The following FLRT1 variants were observed in gnomAD, a reference collection of about 807,000 sequenced individuals.
FLRT1 encodes the protein fibronectin leucine rich transmembrane protein 1.
In FLRT1, 14 loss-of-function variants were observed where a neutral mutation model predicts 30.9. The observed-to-expected ratio is 0.45, with a 90% CI of 0.30 to 0.71. The LOEUF (loss-of-function observed/expected upper bound fraction) is 0.71. Ranked by LOEUF, FLRT1 falls within the 30% of genes least tolerant of loss-of-function variation. FLRT1 has a pLI of 0.08. For missense variants in FLRT1, 737 were observed against 949.2 expected (o/e 0.78, Z 2.94); for synonymous variants, 368 against 430.4 (o/e 0.85, Z 1.80).
At position 64,036,451 on chromosome 11, in the gene FLRT1, G is replaced by T. The variant is rs1490700767; in HGVS notation, c.-1038+292G>T. Among the ~76,000 whole-genome samples the T allele has an allele frequency of 6.6e-6, 1 of 152,160 alleles. No homozygotes were observed. On this transcript the variant is annotated intron_variant, in intron 1 of 2. Coordinates refer to ENST00000682287, the MANE Select transcript of FLRT1 (RefSeq NM_013280.5). The surrounding 1 kb of genome is among the most constrained non-coding windows in gnomAD (Gnocchi z 5.6). ...CCGAGCCGAGGCTGGAAAGGGCGGG[G>T]GCTCAGCTGGAGCTCTAGTCCAAGC...
intron 1 of FLRT1, among the ~76,000 whole-genome samples, chr11:64,079,035 G>A (rs1186760246): frequency 6.6e-6 from 1 of 152,054 alleles, no homozygotes; most frequent in African/African-American, 2.4e-5. Flanking sequence ...GGTTCCCAGG[G>A]GCTTGCTGAG....
intron 1 of FLRT1, among the ~76,000 whole-genome samples, chr11:64,037,574 C>T (rs1036074526): frequency 6.6e-6 from 1 of 152,142 alleles, no homozygotes; most frequent in African/African-American, 2.4e-5. Flanking sequence ...TGAGGGGGCC[C>T]TGGTAGGTGT....
At position 64,070,192 on chromosome 11, in the gene FLRT1, G is replaced by A. The variant is rs530900309; in HGVS notation, c.-1037-33002G>A. Among the ~76,000 whole-genome samples, 5 of 152,270 alleles carry A rather than the reference G, an allele frequency of 3.3e-5. No individual in the cohort carries two copies. The East Asian group carries it at 9.7e-4, about 29-fold the overall frequency. ...CTCAGGGTCACACAGCTGGTTGGGC[G>A]ACAGAGATGTGAGGTGAATCCCTGC... is the stretch of plus-strand genomic sequence containing the variant. On this transcript the variant is annotated intron_variant, in intron 1 of 2. Transcript: ENST00000682287.
rs199812488 is a variant in FLRT1, at chr11:64,054,544, T to C, written c.-1038+18385T>C. On this transcript the variant is annotated intron_variant, in intron 1 of 2. Transcript: ENST00000682287. ...CTCTGCTCAGAGGTGCCTGATGGGGTGCAGAGTGGCAGCCAGCCAGCAGGC... is the reference window on the plus strand; with the variant it reads ...CTCTGCTCAGAGGTGCCTGATGGGGCGCAGAGTGGCAGCCAGCCAGCAGGC... 8.5e-5 allele frequency among the ~76,000 whole-genome samples: 13 copies of C among 152,106 alleles called. No homozygotes were observed. In the East Asian group the frequency reaches 2.5e-3, roughly 29 times the overall value.
intron 2 of FLRT1, among the ~76,000 whole-genome samples, chr11:64,113,360 TGATGGATGGATG>T (rs1191481891): frequency 6.6e-6 from 1 of 152,078 alleles, no homozygotes; most frequent in Non-Finnish European, 1.5e-5. Context: ...GTTGGATGCA[TGATGGATGGATG>T]GATGGATGGA....
chr11:64,105,642 C>T (rs1048889948), intron 2 of FLRT1, among the ~76,000 whole-genome samples: 6 of 152,134 alleles, frequency 3.9e-5, no homozygotes, highest in African/African-American at 1.4e-4. Flanking sequence ...ACCCCACAGG[C>T]GTGAGTGACC....
chr11:64,046,751 A>T (rs1225554806), intron 1 of FLRT1, among the ~76,000 whole-genome samples: 2 of 152,094 alleles, frequency 1.3e-5, no homozygotes, highest in Non-Finnish European at 2.9e-5. Flanking sequence ...CGCCTGCCTC[A>T]ACGTCCCAAA....
chr11:64,102,542 G>A (rs556269834), intron 1 of FLRT1, among the ~76,000 whole-genome samples: 2 of 152,340 alleles, frequency 1.3e-5, no homozygotes, highest in African/African-American at 4.8e-5. Flanking sequence ...AGAAGAGCAG[G>A]TGCCGGGGGA....
intron 1 of FLRT1, among the ~76,000 whole-genome samples, chr11:64,100,407 T>C (rs1944650931): frequency 6.6e-6 from 1 of 152,186 alleles, no homozygotes; most frequent in Admixed American, 6.5e-5. Context: ...GCTTTTATGA[T>C]GTTGACTCAA....
chr11:64,044,487 G>A (rs761992963), intron 1 of FLRT1, among the ~76,000 whole-genome samples: 1 of 152,038 alleles, frequency 6.6e-6, no homozygotes, highest in Non-Finnish European at 1.5e-5. Context: ...GGCCTCAAGC[G>A]ATCCTCCCGC....
intron 1 of FLRT1, among the ~76,000 whole-genome samples, chr11:64,038,948 G>A (rs1943433628): frequency 1.3e-5 from 2 of 152,228 alleles, no homozygotes; most frequent in African/African-American, 4.8e-5. Flanking sequence ...TTGAGAGGAT[G>A]CGTATGAGGT....
chr11:64,091,467 G>A (rs1260922483), intron 1 of FLRT1, among the ~76,000 whole-genome samples: 1 of 151,664 alleles, frequency 6.6e-6, no homozygotes, highest in Admixed American at 6.6e-5. Flanking sequence ...AGGTGGATGT[G>A]GGGGACGAGC....
intron 1 of FLRT1, among the ~76,000 whole-genome samples, chr11:64,074,378 T>C (rs545524564): frequency 5.3e-5 from 8 of 152,220 alleles, no homozygotes; most frequent in African/African-American, 1.4e-4. Context: ...ACCTCTGCAG[T>C]TTCTAATAGC....
At chr11:64,108,313 CAAA>C (rs59331409) in intron 2 of FLRT1, among the ~76,000 whole-genome samples, 7 of 100,784 alleles carry the variant, frequency 6.9e-5, no homozygotes, top group African/African-American at 7.3e-5. Context: ...AACTCTGTCT[CAAA>C]AAAAAAAAAA....
At chr11:64,102,986 G>A (rs971408626) in intron 1 of FLRT1, among the ~76,000 whole-genome samples, 11 of 151,974 alleles carry the variant, frequency 7.2e-5, no homozygotes, top group African/African-American at 2.2e-4. Flanking sequence ...CAGGGGAATC[G>A]GTTGAACCTG....
rs1474327798 is a variant in FLRT1 at position 64,090,085 on chromosome 11, C to A, written c.-1037-13109C>A. On this transcript the variant is annotated intron_variant, in intron 1 of 2. Transcript: ENST00000682287. The surrounding 1 kb of genome is among the most constrained non-coding windows in gnomAD (Gnocchi z 4.7). The stretch of plus-strand genomic sequence containing the variant: ...CAGCTGTGTCATCCTGAGCCCAGAA[C>A]CTTCTAGAATGGGGCTGGGGGAGGG... 1.3e-5 allele frequency among the ~76,000 whole-genome samples: 2 copies of A among 152,182 alleles called. No individual in the cohort carries two copies. Among genetic ancestry groups the A allele is most frequent in the East Asian group, 3.9e-4 (2 of 5,194 alleles).
intron 2 of FLRT1, among the ~76,000 whole-genome samples, chr11:64,114,432 A>ATGG (rs1944933488): frequency 8.9e-6 from 1 of 112,222 alleles, no homozygotes; most frequent in African/African-American, 3.0e-5. Flanking sequence ...GGGATGGTTG[A>ATGG]ATGGATGGAT....
chr11:64,073,754 C>T (rs144302468), intron 1 of FLRT1, among the ~76,000 whole-genome samples: 58 of 152,318 alleles, frequency 3.8e-4, no homozygotes, highest in Admixed American at 2.2e-3. Context: ...AGCTGGGCCT[C>T]GGCAGGGTAA....
At chr11:64,055,396 G>A (rs1015114752) in intron 1 of FLRT1, among the ~76,000 whole-genome samples, 3 of 152,246 alleles carry the variant, frequency 2.0e-5, no homozygotes, top group African/African-American at 4.8e-5. Flanking sequence ...CACAAGAAAC[G>A]ATGGGGGATG....
Sources: gnomAD v4.1 joint callset for allele counts (sites outside exome capture counted in the v4.1 genomes callset) on GRCh38, gnomAD v4.1.1 for gene constraint, Gnocchi (gnomAD v3.1) non-coding constraint, MANE v1.5 for transcripts, NCBI Gene and HGNC (gene_info 2026-07-23, HGNC 2026-07-21) for gene names.